Variants in GPSM2 observed in about 807,000 individuals in gnomAD.
GPSM2 encodes G protein-signaling modulator 2.
Under a neutral mutation model 78.4 loss-of-function variants are expected in GPSM2, and 58 were observed. The ratio of observed to expected loss-of-function variants is 0.74; its 90% CI spans 0.60 to 0.92. GPSM2 has a LOEUF of 0.92. Ranked by LOEUF, GPSM2 falls within the 40% of genes least tolerant of loss-of-function variation. The probability of loss-of-function intolerance (pLI) is 0.00; values close to 1 mark genes in which losing one functional copy is unlikely to be tolerated. For missense variants in GPSM2, 700 were observed against 815.5 expected (o/e 0.86, Z 1.73); for synonymous variants, 224 against 280.2 (o/e 0.80, Z 2.00).
Position 108,931,746 on chromosome 1 carries a change from A to G in GPSM2, c.*1806A>G. 3.2e-6 allele frequency: 1 copy of G among 308,818 alleles called. No homozygotes were observed. Among genetic ancestry groups the G allele is most frequent in the Non-Finnish European group, 5.6e-6 (1 of 177,590 alleles). 19.1% of individuals were successfully genotyped at this position (308,818 alleles called of 1,614,324 possible). A position where few individuals can be genotyped will look rare whatever the true frequency, so the allele number is the denominator to read the frequency against. ...CTCAGGTAAGTTTCATGGGGTTCTT[A>G]TAAGAAAATTCAGTTAAGACAATAT... On this transcript the variant is annotated 3_prime_UTR_variant, in exon 15 of 15. Coordinates refer to ENST00000264126, the MANE Select transcript of GPSM2 (RefSeq NM_013296.5).
In GPSM2 at chr1:108,898,192, TG is replaced by T. The variant is rs1648523810; in HGVS notation, c.557+93del. Reference sequence around the variant, plus strand: ...TTATTCAGTAGTAAGTTTTTAAGTTTGGCAAAGATTTTAAAGTTATGAACTA... The same window carrying T: ...TTATTCAGTAGTAAGTTTTTAAGTTTGCAAAGATTTTAAAGTTATGAACTA... On this transcript the variant is annotated intron_variant, in intron 5 of 14. Coordinates refer to ENST00000264126, the MANE Select transcript of GPSM2 (RefSeq NM_013296.5). 3.1e-6 allele frequency: 4 copies of T among 1,299,544 alleles called. No homozygotes were observed. The South Asian group carries it at 4.8e-5, about 16-fold the overall frequency. 80.5% of individuals were successfully genotyped at this position (1,299,544 alleles called of 1,614,324 possible).
chr1:108,883,736 A>G (rs897017479), intron 1 of GPSM2, among the ~76,000 whole-genome samples: 3 of 152,164 alleles, frequency 2.0e-5, no homozygotes, highest in African/African-American at 4.8e-5. Context: ...CTCAGTCTTT[A>G]TCACTGAAGA....
At chr1:108,880,561 CAG>C (rs1364381127) in intron 1 of GPSM2, among the ~76,000 whole-genome samples, 2 of 147,184 alleles carry the variant, frequency 1.4e-5, no homozygotes, top group Non-Finnish European at 3.0e-5. Context: ...GCCTGGGCGA[CAG>C]AGTGAGACTC....
chr1:108,915,368 CAA>C (rs778325980), intron 11 of GPSM2, among the ~76,000 whole-genome samples: 29,972 of 90,870 alleles, frequency 0.33, 3,479 homozygotes, highest in Middle Eastern at 0.47. Flanking sequence ...AGACTTGTCT[CAA>C]AAAAAAAAAA....
At chr1:108,917,657 T>C (rs1406482187) in intron 11 of GPSM2, among the ~76,000 whole-genome samples, 6 of 55,944 alleles carry the variant, frequency 1.1e-4, no homozygotes, top group South Asian at 1.2e-3. Flanking sequence ...TATATATATA[T>C]ATATATATAA....
chr1:108,923,965 TTTTTTA>T, intron 13 of GPSM2, 29 bp from the exon 14 acceptor site: 1 of 1,437,444 alleles, frequency 7.0e-7, no homozygotes. Context: ...TTTTTTGTTT[TTTTTTA>T]ATCTTTGGCT....
chr1:108,896,405 TG>T (rs1214918656), intron 2 of GPSM2, among the ~76,000 whole-genome samples: 1 of 152,014 alleles, frequency 6.6e-6, no homozygotes, highest in Non-Finnish European at 1.5e-5. Flanking sequence ...GATGGATGGC[TG>T]GATGGTCAGA....
Position 108,931,378 on chromosome 1 carries a change from A to G in GPSM2, c.*1438A>G. On this transcript the variant is annotated 3_prime_UTR_variant, in exon 15 of 15. Coordinates refer to ENST00000264126, the MANE Select transcript of GPSM2 (RefSeq NM_013296.5). ...TAACTAACTGTAGCAAAAGACAAGT[A>G]TGGGACAGACTGGGACCTGGAGTAA... 1.3e-6 allele frequency: 2 copies of G among 1,551,238 alleles called. No individual in the cohort carries two copies. The highest frequency in any genetic ancestry group is 1.7e-6 in the Non-Finnish European group (2 of 1,147,150).
intron 10 of GPSM2, among the ~76,000 whole-genome samples, chr1:108,905,315 C>T (rs1167425999): frequency 6.6e-6 from 1 of 152,126 alleles, no homozygotes; most frequent in African/African-American, 2.4e-5. Context: ...TTTGTTCGCT[C>T]TTATAACAAA....
chr1:108,929,395 T>C (rs1651486517), intron 14 of GPSM2: 1 of 362,624 alleles, frequency 2.8e-6, no homozygotes, highest in Non-Finnish European at 5.1e-6. Context: ...TTGTCTTTTA[T>C]CCTTGTGACC....
chr1:108,885,063 CAT>C (rs1223284744), intron 1 of GPSM2, among the ~76,000 whole-genome samples: 5 of 152,136 alleles, frequency 3.3e-5, no homozygotes, highest in African/African-American at 9.7e-5. Context: ...AAATTTCAAA[CAT>C]ATTTTAAAAA....
rs566186601 is a variant in GPSM2 at position 108,909,940 on chromosome 1, A to G, written c.1193-4398A>G. 1.7e-4 allele frequency: 25 copies of G among 150,928 alleles called. No individual in the cohort carries two copies. The East Asian group carries it at 4.4e-3, about 27-fold the overall frequency. 9.3% of individuals were successfully genotyped at this position (150,928 alleles called of 1,614,324 possible). A position where few individuals can be genotyped will look rare whatever the true frequency, so the allele number is the denominator to read the frequency against. On this transcript the variant is annotated intron_variant, in intron 10 of 14. Transcript: ENST00000264126. ...AAAAAAAAAAAAAGGAAAAAGGCTG[A>G]AAGCTTAATACCATCTAGCTTAAAA...
rs1000120063 is a variant in GPSM2, at chr1:108,904,344, A to T, written c.1192+90A>T. On this transcript the variant is annotated intron_variant, in intron 10 of 14. Coordinates refer to ENST00000264126, the MANE Select transcript of GPSM2 (RefSeq NM_013296.5). ...CACAAATTTGGCATATTCAGAGAGA[A>T]TATATAACATGGGAAGTTCAACTTA... is the stretch of plus-strand genomic sequence containing the variant. The T allele has an allele frequency of 1.3e-5, 10 of 754,116 alleles. No homozygotes were observed. In the African/African-American group the frequency reaches 1.7e-4, roughly 13 times the overall value. 46.7% of individuals were successfully genotyped at this position (754,116 alleles called of 1,614,324 possible).
rs1648424548 is a variant in GPSM2 at position 108,897,087 on chromosome 1, T to G, written c.278+2T>G. 1 of 1,563,892 alleles carries G rather than the reference T, an allele frequency of 6.4e-7. No individual in the cohort carries two copies. The highest frequency in any genetic ancestry group is 8.8e-7 in the Non-Finnish European group (1 of 1,135,558). On this transcript the variant is annotated splice_donor_variant, in intron 3 of 14. Coordinates refer to ENST00000264126, the MANE Select transcript of GPSM2 (RefSeq NM_013296.5). LOFTEE classifies it high-confidence loss of function. ...CCATCATGATTTAACCCTTGCAAGG[T>G]AATTAATTTAAGCTTTTAAATATTC...
chr1:108,892,529 CAT>C (rs1648048538), intron 2 of GPSM2, among the ~76,000 whole-genome samples: 4 of 152,232 alleles, frequency 2.6e-5, no homozygotes, highest in South Asian at 4.2e-4. Flanking sequence ...TTATTAGAAA[CAT>C]ATTTTCTTTG....
Position 108,930,088 on chromosome 1 carries a change from G to T in GPSM2, c.*148G>T. 5 of 750,862 alleles carry T rather than the reference G, an allele frequency of 6.7e-6. No homozygotes were observed. The highest frequency in any genetic ancestry group is 1.1e-5 in the Non-Finnish European group (5 of 465,180). 46.5% of individuals were successfully genotyped at this position (750,862 alleles called of 1,614,324 possible). On this transcript the variant is annotated 3_prime_UTR_variant, in exon 15 of 15. Coordinates refer to ENST00000264126, the MANE Select transcript of GPSM2 (RefSeq NM_013296.5). ...TAGTTAACCTTCAGTAGTCTATTAA[G>T]GCATTAATACTTCTCTGGACATGCG...
At chr1:108,927,744 A>C (rs1180069157) in intron 14 of GPSM2, among the ~76,000 whole-genome samples, 1 of 152,132 alleles carries the variant, frequency 6.6e-6, no homozygotes, top group Non-Finnish European at 1.5e-5. Flanking sequence ...CCAAGGTGGG[A>C]GGATTGCTTG....
Position 108,914,353 on chromosome 1 carries a change from T to C in GPSM2, c.1208T>C (p.Leu403Ser), listed in dbSNP as rs747510797. 50 of 1,612,142 alleles carry C rather than the reference T, an allele frequency of 3.1e-5. No individual in the cohort carries two copies. Among genetic ancestry groups the C allele is most frequent in the Non-Finnish European group, 3.9e-5 (46 of 1,178,432 alleles). Residue 403 changes from leucine to serine, a missense_variant, in exon 11 of 15, where the codon TTG (leucine) becomes TCG (serine). Coordinates refer to ENST00000264126, the MANE Select transcript of GPSM2 (RefSeq NM_013296.5). ...DSSLNGVRPK[L>S]GRRHSMENME... ...TTAAACAAAGGTGTACGCCCCAAGT[T>C]GGGACGCCGGCATAGTATGGAAAAT... is the stretch of plus-strand genomic sequence containing the variant.
At chr1:108,903,678 A>G (rs1649000478) in intron 9 of GPSM2, among the ~76,000 whole-genome samples, 1 of 152,224 alleles carries the variant, frequency 6.6e-6, no homozygotes. Context: ...GCAAAGTGTT[A>G]TAACGATTAG....
Sources: gnomAD v4.1 joint callset for allele counts (sites outside exome capture counted in the v4.1 genomes callset) on GRCh38, gnomAD v4.1.1 for gene constraint, MANE v1.5 for transcripts, NCBI Gene and HGNC (gene_info 2026-07-23, HGNC 2026-07-21) for gene names.